The following KATNIP variants were observed in gnomAD, a reference collection of about 807,000 sequenced individuals.
KATNIP encodes katanin-interacting protein.
A neutral mutation model predicts 174.0 loss-of-function variants in KATNIP; 126 were observed. That is an observed-to-expected ratio of 0.72 (90% confidence interval 0.63 to 0.84). The LOEUF (loss-of-function observed/expected upper bound fraction) is 0.84, where lower values mean the gene tolerates loss of function less well. Among genes scored for constraint, KATNIP ranks in the 40% least tolerant of loss-of-function variants. KATNIP has a pLI of 0.00. For synonymous variants in KATNIP, 810 were observed against 835.7 expected, an observed-to-expected ratio of 0.97 and a Z score of 0.53; for missense variants, 1,958 against 2,109.7, an observed-to-expected ratio of 0.93 and a Z score of 1.41.
At chr16:27,586,511 C>T (rs1439409953) in intron 2 of KATNIP, among the ~76,000 whole-genome samples, 1 of 151,272 alleles carries the variant, frequency 6.6e-6, no homozygotes, top group Non-Finnish European at 1.5e-5. Flanking sequence ...TTCCTCCCCA[C>T]CACCACTATA....
At chr16:27,596,722 T>A (rs537004281) in intron 2 of KATNIP, among the ~76,000 whole-genome samples, 50 of 152,196 alleles carry the variant, frequency 3.3e-4, no homozygotes, top group Non-Finnish European at 5.0e-4. Flanking sequence ...AGACCCCGTT[T>A]CCACAAAAAA....
chr16:27,753,874 ACATAAGCATTTATTGAGT>A (rs148741382), intron 17 of KATNIP, among the ~76,000 whole-genome samples: 1,545 of 150,846 alleles, frequency 0.01, 24 homozygotes, highest in African/African-American at 0.036. Context: ...CTAGCTCACC[ACATAAGCATTTATTGAGT>A]CCTTCCCTGT....
intron 2 of KATNIP, among the ~76,000 whole-genome samples, chr16:27,594,809 G>A (rs1264424356): frequency 1.3e-5 from 2 of 152,120 alleles, no homozygotes; most frequent in Non-Finnish European, 2.9e-5. Flanking sequence ...CTATGCCTCC[G>A]TTGAGGAAAA....
chr16:27,703,051 C>T (rs1039227818), intron 11 of KATNIP, among the ~76,000 whole-genome samples: 3 of 152,064 alleles, frequency 2.0e-5, no homozygotes, highest in African/African-American at 4.8e-5. Flanking sequence ...CCTGTAATCC[C>T]TGCTACTCAG....
intron 6 of KATNIP, among the ~76,000 whole-genome samples, chr16:27,662,642 G>A (rs1050278067): frequency 6.6e-6 from 1 of 151,920 alleles, no homozygotes. Flanking sequence ...CCCTCAGTAG[G>A]GTGTTTCTAC....
chr16:27,657,447 G>T (rs1215110260), intron 6 of KATNIP, among the ~76,000 whole-genome samples: 3 of 152,110 alleles, frequency 2.0e-5, no homozygotes, highest in Non-Finnish European at 2.9e-5. Context: ...GAGAAAAATG[G>T]CCGGGCACAG....
At chr16:27,586,368 G>A (rs2090897019) in intron 2 of KATNIP, among the ~76,000 whole-genome samples, 1 of 152,090 alleles carries the variant, frequency 6.6e-6, no homozygotes, top group Non-Finnish European at 1.5e-5. Context: ...AGCATTTTGG[G>A]AGGCTTAGGC....
chr16:27,735,465 A>G (rs1224586864), intron 14 of KATNIP, among the ~76,000 whole-genome samples: 1 of 152,202 alleles, frequency 6.6e-6, no homozygotes, highest in Non-Finnish European at 1.5e-5. Flanking sequence ...CTGTGGCAGT[A>G]ATTTTGCAGA....
chr16:27,622,582 G>C (rs926229791), intron 3 of KATNIP, among the ~76,000 whole-genome samples: 1 of 152,108 alleles, frequency 6.6e-6, no homozygotes, highest in African/African-American at 2.4e-5. Flanking sequence ...GACTGCAGGG[G>C]GTAGACCCAG....
chr16:27,556,184 C>T (rs779311017), intron 1 of KATNIP, among the ~76,000 whole-genome samples: 3 of 151,904 alleles, frequency 2.0e-5, no homozygotes, highest in Non-Finnish European at 4.4e-5. Context: ...TGCAAATAGG[C>T]AGACTTATTC....
At position 27,619,683 on chromosome 16, in the gene KATNIP, C is replaced by T. The variant is rs138791895; in HGVS notation, c.140+1182C>T. 3.0e-3 allele frequency among the ~76,000 whole-genome samples: 460 copies of T among 152,230 alleles called. 4 individuals carry two copies. The highest frequency in any genetic ancestry group is 0.01 in the African/African-American group (430 of 41,540). On this transcript the variant is annotated intron_variant, in intron 3 of 27. Coordinates refer to ENST00000261588, the MANE Select transcript of KATNIP (RefSeq NM_015202.5). ...CCCTTTACTAAATTTCAGTAAGACCCTAAATTCCATCTATGACAGCACCCA... is the reference window on the plus strand; with the variant it reads ...CCCTTTACTAAATTTCAGTAAGACCTTAAATTCCATCTATGACAGCACCCA...
chr16:27,648,728 G>A lies in KATNIP; in HGVS notation c.533G>A (p.Arg178His), dbSNP rs1300252468. ...CAGGCAAACAACACTTCTGAGGATC[G>A]TCCGCAGGTAGGGATGGCCTTGGCC... ...TLQANNTSED[R>H]PQELRRSLEL... The change falls in exon 6 of 28, where the codon CGT (arginine) becomes CAT (histidine). Residue 178 changes from arginine (R) to histidine (H), a missense_variant. Transcript: ENST00000261588. The A allele has an allele frequency of 2.3e-5, 37 of 1,613,294 alleles. No individual in the cohort carries two copies. The highest frequency in any genetic ancestry group is 2.9e-5 in the Non-Finnish European group (34 of 1,179,704).
At chr16:27,721,489 C>T (rs1403760897) in intron 13 of KATNIP, 69 bp from the exon 14 acceptor site, 19 of 1,586,918 alleles carry the variant, frequency 1.2e-5, no homozygotes, top group African/African-American at 4.0e-5. Context: ...GCCAAAGAGC[C>T]GCTGCCATTT....
chr16:27,749,911 C>A lies in KATNIP; in HGVS notation c.2951C>A (p.Thr984Asn), dbSNP rs1309970236. The change falls in exon 16 of 28, where the codon ACC (threonine) becomes AAC (asparagine). Residue 984 changes from threonine to asparagine, a missense_variant. Physicochemically the swap from Thr to Asn is moderately conservative, Grantham distance 65. Transcript: ENST00000261588. ...GQRLVIDIKSTWGDRHYVGLN... is the reference protein window; with the variant it reads ...GQRLVIDIKSNWGDRHYVGLN... ...CGCTTGGTCATTGACATCAAGTCTA[C>A]CTGGGGGGACAGACACTATGTCGGC... 1.2e-6 allele frequency: 2 copies of A among 1,614,150 alleles called. No individual in the cohort carries two copies. Among genetic ancestry groups the A allele is most frequent in the Admixed American group, 3.3e-5 (2 of 60,020 alleles).
intron 6 of KATNIP, among the ~76,000 whole-genome samples, chr16:27,675,994 T>C (rs1293908618): frequency 6.6e-6 from 1 of 152,218 alleles, no homozygotes; most frequent in Non-Finnish European, 1.5e-5. Flanking sequence ...ACCTTTAGTT[T>C]TCTCTCCATA....
intron 13 of KATNIP, among the ~76,000 whole-genome samples, chr16:27,713,728 T>TATG (rs146481001): frequency 2.5e-4 from 2 of 8,140 alleles, no homozygotes; most frequent in African/African-American, 4.6e-4. Flanking sequence ...TGTGTGTGTA[T>TATG]TATATACACA....
intron 22 of KATNIP, among the ~76,000 whole-genome samples, chr16:27,772,214 G>A (rs2082332741): frequency 6.6e-6 from 1 of 152,216 alleles, no homozygotes; most frequent in African/African-American, 2.4e-5. Flanking sequence ...CGAGGCTGCA[G>A]TGAGCTCTGA....
At position 27,654,706 on chromosome 16, in the gene KATNIP, A is replaced by C. The variant is rs773659576; in HGVS notation, c.540+5971A>C. 9 of 1,351,896 alleles carry C rather than the reference A, an allele frequency of 6.7e-6. No individual in the cohort carries two copies. In the South Asian group the frequency reaches 1.0e-4, roughly 15 times the overall value. The allele number at this position is 1,351,896 out of a possible 1,614,324, so 83.7% of individuals were successfully genotyped here. Reference sequence around the variant, plus strand: ...ACCCTTCAAGCAGCGTGGACAAAGAAAGGATCCTCTTAACTATTCAGGATG... The same window carrying C: ...ACCCTTCAAGCAGCGTGGACAAAGACAGGATCCTCTTAACTATTCAGGATG... On this transcript the variant is annotated intron_variant, in intron 6 of 27. Coordinates refer to ENST00000261588, the MANE Select transcript of KATNIP (RefSeq NM_015202.5).
At chr16:27,654,724 T>G (rs1163536020) in intron 6 of KATNIP, 1 of 1,351,960 alleles carries the variant, frequency 7.4e-7, no homozygotes, top group African/African-American at 1.5e-5. Flanking sequence ...TCTTAACTAT[T>G]CAGGATGTGA....
Sources: allele counts gnomAD v4.1 joint callset (sites outside exome capture counted in the v4.1 genomes callset), GRCh38; gene constraint gnomAD v4.1.1; transcripts MANE v1.5; gene names NCBI Gene and HGNC (gene_info 2026-07-23, HGNC 2026-07-21).